The following KCTD8 variants were observed in gnomAD, a reference collection of about 807,000 sequenced individuals.
KCTD8 encodes the protein potassium channel tetramerization domain containing 8.
In KCTD8, 27 loss-of-function variants were observed where a neutral mutation model predicts 31.5. That is an observed-to-expected ratio of 0.86 (90% CI 0.63 to 1.18). KCTD8 has a LOEUF of 1.18. KCTD8 is among the 50% of genes most tolerant of loss of function. The pLI is 0.00. For synonymous variants in KCTD8, 290 were observed against 280.0 expected (o/e 1.04, Z -0.36); for missense variants, 658 against 647.7 (o/e 1.02, Z -0.17).
chr4:44,267,906 T>A (rs953639038), intron 1 of KCTD8, among the ~76,000 whole-genome samples: 1 of 152,096 alleles, frequency 6.6e-6, no homozygotes, highest in Non-Finnish European at 1.5e-5. Flanking sequence ...TATCAATAGC[T>A]TACCAACCAA....
At chr4:44,195,395 C>T (rs1426369069) in intron 1 of KCTD8, among the ~76,000 whole-genome samples, 2 of 152,104 alleles carry the variant, frequency 1.3e-5, no homozygotes, top group African/African-American at 4.8e-5. Context: ...GACTCATACT[C>T]CTTTGCTTGA....
intron 1 of KCTD8, among the ~76,000 whole-genome samples, chr4:44,257,507 A>G (rs1254258250): frequency 6.6e-6 from 1 of 152,024 alleles, no homozygotes; most frequent in African/African-American, 2.4e-5. Context: ...CAGTTAATTT[A>G]AATATACATA....
At chr4:44,367,221 C>T (rs112966675) in intron 1 of KCTD8, among the ~76,000 whole-genome samples, 1,594 of 152,186 alleles carry the variant, frequency 0.01, 37 homozygotes, top group Admixed American at 0.053. Context: ...TTTTGACCTC[C>T]CTTACTAGTA....
At chr4:44,393,045 A>G (rs1720411245) in intron 1 of KCTD8, among the ~76,000 whole-genome samples, 1 of 152,060 alleles carries the variant, frequency 6.6e-6, no homozygotes, top group African/African-American at 2.4e-5. Context: ...CTGAATCTCA[A>G]TTCCTGCAGG....
intron 1 of KCTD8, among the ~76,000 whole-genome samples, chr4:44,421,469 G>T (rs527953134): frequency 6.6e-6 from 1 of 152,182 alleles, no homozygotes; most frequent in East Asian, 1.9e-4. Context: ...TATATCTCTT[G>T]CAGAGCCCAG....
At chr4:44,205,089 T>C (rs936978749) in intron 1 of KCTD8, among the ~76,000 whole-genome samples, 21 of 152,152 alleles carry the variant, frequency 1.4e-4, no homozygotes, top group Admixed American at 3.3e-4. Flanking sequence ...GATGTAATTA[T>C]CTTTCAAATA....
At chr4:44,317,606 C>T (rs1718175144) in intron 1 of KCTD8, among the ~76,000 whole-genome samples, 1 of 152,152 alleles carries the variant, frequency 6.6e-6, no homozygotes, top group Non-Finnish European at 1.5e-5. Context: ...ACTTACTACA[C>T]GATCCTCTGT....
intron 1 of KCTD8, among the ~76,000 whole-genome samples, chr4:44,279,326 T>C (rs1716835316): frequency 6.6e-6 from 1 of 152,006 alleles, no homozygotes; most frequent in Admixed American, 6.6e-5. Context: ...TATTGGAAGC[T>C]GGGGGAGACC....
At chr4:44,412,046 C>G (rs759378779) in intron 1 of KCTD8, among the ~76,000 whole-genome samples, 4 of 152,078 alleles carry the variant, frequency 2.6e-5, no homozygotes, top group Non-Finnish European at 5.9e-5. Flanking sequence ...ATATCTTAAA[C>G]CTAGAATAAA....
At chr4:44,400,182 G>C (rs577409806) in intron 1 of KCTD8, among the ~76,000 whole-genome samples, 1 of 152,124 alleles carries the variant, frequency 6.6e-6, no homozygotes, top group South Asian at 2.1e-4. Context: ...TTTCTGATAA[G>C]TTTCTAGAAA....
intron 1 of KCTD8, among the ~76,000 whole-genome samples, chr4:44,342,611 C>T (rs1017988127): frequency 6.6e-6 from 1 of 152,130 alleles, no homozygotes; most frequent in Non-Finnish European, 1.5e-5. Flanking sequence ...GAGAGATAAC[C>T]TGTCTTTTAA....
At chr4:44,376,702 A>T (rs892268021) in intron 1 of KCTD8, among the ~76,000 whole-genome samples, 1 of 152,194 alleles carries the variant, frequency 6.6e-6, no homozygotes, top group Non-Finnish European at 1.5e-5. Context: ...CTAGTGAGGG[A>T]TATAAAAACT....
At chr4:44,244,857 G>T (rs1012866295) in intron 1 of KCTD8, among the ~76,000 whole-genome samples, 1 of 150,548 alleles carries the variant, frequency 6.6e-6, no homozygotes, top group Non-Finnish European at 1.5e-5. Context: ...TGGGGGGGGG[G>T]GGGTCTTCAT....
chr4:44,195,886 T>C (rs1001105516), intron 1 of KCTD8, among the ~76,000 whole-genome samples: 1 of 152,228 alleles, frequency 6.6e-6, no homozygotes, highest in African/African-American at 2.4e-5. Flanking sequence ...AAAGCTTGTG[T>C]TAATTTTTAA....
intron 1 of KCTD8, among the ~76,000 whole-genome samples, chr4:44,287,623 A>G (rs1717136607): frequency 6.6e-6 from 1 of 152,192 alleles, no homozygotes; most frequent in African/African-American, 2.4e-5. Context: ...TATTTATCTA[A>G]TAGTCCTGAT....
intron 1 of KCTD8, among the ~76,000 whole-genome samples, chr4:44,186,202 G>A (rs1293463674): frequency 6.6e-6 from 1 of 152,210 alleles, no homozygotes; most frequent in Non-Finnish European, 1.5e-5. Context: ...CACACCGACA[G>A]GCACTGGCAG....
intron 1 of KCTD8, among the ~76,000 whole-genome samples, chr4:44,391,246 G>A (rs1033461114): frequency 2.6e-5 from 4 of 151,856 alleles, no homozygotes; most frequent in South Asian, 2.1e-4. Context: ...GGTGATGGGT[G>A]CACCAAAATC....
intron 1 of KCTD8, among the ~76,000 whole-genome samples, chr4:44,212,074 C>T (rs1366796865): frequency 1.3e-5 from 2 of 152,012 alleles, no homozygotes; most frequent in African/African-American, 4.8e-5. Context: ...GGGATAGAGA[C>T]TAGGGTTGGT....
intron 1 of KCTD8, among the ~76,000 whole-genome samples, chr4:44,265,852 A>G (rs1190271829): frequency 2.0e-5 from 3 of 152,200 alleles, no homozygotes; most frequent in African/African-American, 7.2e-5. Context: ...AAAAAAGAAT[A>G]AAAAGAAATG....
Sources: allele counts gnomAD v4.1 joint callset (sites outside exome capture counted in the v4.1 genomes callset), GRCh38; gene constraint gnomAD v4.1.1; transcripts MANE v1.5; gene names NCBI Gene and HGNC (gene_info 2026-07-23, HGNC 2026-07-21).